SNX29: variants seen among roughly 807,000 people sequenced by gnomAD.
SNX29 encodes the protein sorting nexin-29.
SNX29 carries 78 observed loss-of-function variants against 102.1 expected under a neutral mutation model. That is an observed-to-expected ratio of 0.76 (90% CI 0.64 to 0.92). The LOEUF is 0.92. SNX29 is among the 40% of genes least tolerant of loss of function. The pLI, the probability that SNX29 is intolerant of heterozygous loss-of-function variation, is 0.00. For synonymous variants in SNX29, 580 were observed against 414.5 expected (o/e 1.40, Z -4.85); for missense variants, 1,280 against 1,061.7 (o/e 1.21, Z -2.86).
chr16:12,570,538 G>A lies in SNX29; in HGVS notation c.*1909G>A, dbSNP rs1481925118. 1.3e-5 allele frequency: 3 copies of A among 232,350 alleles called. No homozygotes were observed. Among genetic ancestry groups the A allele is most frequent in the East Asian group, 6.1e-5 (1 of 16,486 alleles). The allele number at this position is 232,350 out of a possible 1,614,324, so 14.4% of individuals were successfully genotyped here. ...CCACATCGGTCATTTTGAAGTAGGTGTTTGATGCCAGCTCAGAGACTGTCT... is the reference window on the plus strand; with the variant it reads ...CCACATCGGTCATTTTGAAGTAGGTATTTGATGCCAGCTCAGAGACTGTCT... On this transcript the variant is annotated 3_prime_UTR_variant, in exon 21 of 21. Coordinates refer to ENST00000566228, the MANE Select transcript of SNX29 (RefSeq NM_032167.5).
chr16:12,276,495 A>T (rs964173448), intron 14 of SNX29, among the ~76,000 whole-genome samples: 1 of 151,856 alleles, frequency 6.6e-6, no homozygotes, highest in Non-Finnish European at 1.5e-5. Context: ...CCTGACTTTC[A>T]CCTTCTTCCT....
intron 4 of SNX29, among the ~76,000 whole-genome samples, chr16:12,039,781 T>C (rs1273177361): frequency 6.6e-6 from 1 of 152,230 alleles, no homozygotes; most frequent in African/African-American, 2.4e-5. Flanking sequence ...TGGTTTGCAG[T>C]GAGCTCTGGG....
intron 18 of SNX29, among the ~76,000 whole-genome samples, chr16:12,446,935 T>G (rs2086082856): frequency 6.6e-6 from 1 of 151,490 alleles, no homozygotes; most frequent in African/African-American, 2.4e-5. Flanking sequence ...GAGGTCAAGG[T>G]GGGCGGATCA....
At chr16:12,305,993 C>T (rs1406143746) in intron 15 of SNX29, among the ~76,000 whole-genome samples, 3 of 151,952 alleles carry the variant, frequency 2.0e-5, no homozygotes, top group Non-Finnish European at 4.4e-5. Context: ...TCGTTTTATA[C>T]TGGAGGACAC....
chr16:12,319,575 C>T (rs901267787), intron 15 of SNX29, among the ~76,000 whole-genome samples: 10 of 152,144 alleles, frequency 6.6e-5, no homozygotes, highest in African/African-American at 2.2e-4. Context: ...TACCTGTTGG[C>T]GGTGAGCCAG....
chr16:12,573,262 C>T lies in SNX29; in HGVS notation c.*4633C>T, dbSNP rs749955365. On this transcript the variant is annotated 3_prime_UTR_variant, in exon 21 of 21. Transcript: ENST00000566228. ...TGAAATGTACCTCGATCAGTCATCTCTGGTATTCCTCACTCTAGCCATGAG... is the reference window on the plus strand; with the variant it reads ...TGAAATGTACCTCGATCAGTCATCTTTGGTATTCCTCACTCTAGCCATGAG... 1 of 227,500 alleles carries T rather than the reference C, an allele frequency of 4.4e-6. No individual in the cohort carries two copies. Among genetic ancestry groups the T allele is most frequent in the East Asian group, 6.3e-5 (1 of 15,786 alleles). 14.1% of individuals were successfully genotyped at this position (227,500 alleles called of 1,614,324 possible).
At chr16:12,520,159 T>A (rs549788708) in intron 19 of SNX29, among the ~76,000 whole-genome samples, 1 of 152,148 alleles carries the variant, frequency 6.6e-6, no homozygotes, top group Non-Finnish European at 1.5e-5. Context: ...TCTGCACCTC[T>A]AGGGTCAGAG....
chr16:12,038,952 G>C (rs2057553544), intron 4 of SNX29, among the ~76,000 whole-genome samples: 1 of 152,212 alleles, frequency 6.6e-6, no homozygotes, highest in South Asian at 2.1e-4. Flanking sequence ...TTGTACAGTT[G>C]TGTGGAGTAG....
chr16:12,141,274 A>G (rs72784673), intron 13 of SNX29, among the ~76,000 whole-genome samples: 7,929 of 152,332 alleles, frequency 0.052, 224 homozygotes, highest in Middle Eastern at 0.065. Context: ...TGTTGCAGGA[A>G]GTAGGCTGAT....
intron 14 of SNX29, among the ~76,000 whole-genome samples, chr16:12,236,017 AAAAC>A: frequency 6.6e-6 from 1 of 152,210 alleles, no homozygotes; most frequent in South Asian, 2.1e-4. Flanking sequence ...AATGTTATTT[AAAAC>A]TCTCTGTTTC....
At chr16:12,487,415 G>A (rs1183618098) in intron 19 of SNX29, among the ~76,000 whole-genome samples, 1 of 152,152 alleles carries the variant, frequency 6.6e-6, no homozygotes, top group Non-Finnish European at 1.5e-5. Flanking sequence ...TTCTCATCAT[G>A]CAGTTCTTAT....
At chr16:12,398,027 T>A (rs2083781473) in intron 16 of SNX29, among the ~76,000 whole-genome samples, 1 of 152,154 alleles carries the variant, frequency 6.6e-6, no homozygotes, top group African/African-American at 2.4e-5. Flanking sequence ...CTTGTGGGGG[T>A]GACATTGGCC....
At chr16:12,044,642 G>A (rs2050016663) in intron 5 of SNX29, among the ~76,000 whole-genome samples, 2 of 152,062 alleles carry the variant, frequency 1.3e-5, no homozygotes, top group Non-Finnish European at 2.9e-5. Flanking sequence ...GTAGTGGCGC[G>A]ACCTTGGCTC....
intron 11 of SNX29, among the ~76,000 whole-genome samples, chr16:12,119,592 T>C (rs1047161464): frequency 6.6e-6 from 1 of 152,232 alleles, no homozygotes; most frequent in Non-Finnish European, 1.5e-5. Context: ...ATCACACTTT[T>C]GATTTTCCAA....
At chr16:12,385,446 C>CG (rs1184429603) in intron 16 of SNX29, among the ~76,000 whole-genome samples, 1 of 152,066 alleles carries the variant, frequency 6.6e-6, no homozygotes, top group Non-Finnish European at 1.5e-5. Flanking sequence ...CATTGTGTCC[C>CG]GCAGGGCTCT....
chr16:12,020,489 A>G (rs1050248818), intron 3 of SNX29, among the ~76,000 whole-genome samples: 2 of 152,048 alleles, frequency 1.3e-5, no homozygotes, highest in African/African-American at 4.8e-5. Flanking sequence ...GGTGTGAGCA[A>G]CTGCGCCCCA....
At position 12,560,448 on chromosome 16, in the gene SNX29, G is replaced by C. The variant is rs1364206378; in HGVS notation, c.2319-8058G>C. 4.6e-5 allele frequency among the ~76,000 whole-genome samples: 7 copies of C among 152,140 alleles called. No individual in the cohort carries two copies. In the East Asian group the frequency reaches 1.2e-3, roughly 25 times the overall value. The stretch of plus-strand genomic sequence containing the variant: ...TAGGCATCCATGTCCCCAGCCCCGA[G>C]TCTTTTGGGTTCTTGCCTGGGAGTC... On this transcript the variant is annotated intron_variant, in intron 20 of 20. Coordinates refer to ENST00000566228, the MANE Select transcript of SNX29 (RefSeq NM_032167.5).
At chr16:12,013,488 G>A (rs866819487) in intron 3 of SNX29, among the ~76,000 whole-genome samples, 500 of 12,972 alleles carry the variant, frequency 0.039, 30 homozygotes, top group African/African-American at 0.087. Context: ...TCTACTGGGG[G>A]AAAAAAAAAA....
intron 14 of SNX29, among the ~76,000 whole-genome samples, chr16:12,231,365 G>A (rs1201821385): frequency 6.6e-6 from 1 of 152,092 alleles, no homozygotes; most frequent in Admixed American, 6.6e-5. Flanking sequence ...TTGAACTCCT[G>A]CTGTGCATAC....
Sources: gnomAD v4.1 joint callset for allele counts (sites outside exome capture counted in the v4.1 genomes callset) on GRCh38, gnomAD v4.1.1 for gene constraint, MANE v1.5 for transcripts, NCBI Gene and HGNC (gene_info 2026-07-23, HGNC 2026-07-21) for gene names.